DSC3: variants seen among roughly 807,000 people sequenced by gnomAD.
DSC3 encodes the protein desmocollin 3.
Under a neutral mutation model 89.5 loss-of-function variants are expected in DSC3, and 97 were observed. The ratio of observed to expected loss-of-function variants is 1.08; its 90% confidence interval spans 0.92 to 1.28. DSC3 has a LOEUF of 1.28. Ranked by LOEUF, DSC3 falls within the 50% of genes most tolerant of loss-of-function variation. DSC3 has a pLI of 0.00. For missense variants in DSC3, 1,199 were observed against 1,085.3 expected, an observed-to-expected ratio of 1.10 and a Z score of -1.47; for synonymous variants, 436 against 384.1, an observed-to-expected ratio of 1.14 and a Z score of -1.58.
At position 31,002,724 on chromosome 18, in the gene DSC3, G is replaced by A. The variant is rs1401722327; in HGVS notation, c.2114-985C>T. 7.2e-4 allele frequency among the ~76,000 whole-genome samples: 99 copies of A among 137,204 alleles called. 2 individuals are homozygous for A. In the East Asian group the frequency reaches 0.013, roughly 18 times the overall value. 90.0% of individuals were successfully genotyped at this position (137,204 alleles called of 152,430 possible). Reference sequence around the variant, plus strand: ...TCAAAAAAAAAAAAAAAGAAAGAAAGAAAAAAAAAAGAAAATTACATGAAA... The same window carrying A: ...TCAAAAAAAAAAAAAAAGAAAGAAAAAAAAAAAAAAGAAAATTACATGAAA... On this transcript the variant is annotated intron_variant, in intron 13 of 15. Transcript: ENST00000360428.
At chr18:31,012,214 C>A (rs912917935) in intron 9 of DSC3, among the ~76,000 whole-genome samples, 3 of 151,874 alleles carry the variant, frequency 2.0e-5, no homozygotes, top group African/African-American at 7.3e-5. Context: ...AGAGGAGGTA[C>A]GATTAGCAAA....
At chr18:31,032,724 T>C (rs1347949224) in intron 1 of DSC3, among the ~76,000 whole-genome samples, 1 of 152,098 alleles carries the variant, frequency 6.6e-6, no homozygotes, top group Admixed American at 6.6e-5. Flanking sequence ...GCCTCCCAAG[T>C]AGCTGGGATT....
At chr18:31,028,979 T>C (rs1985690505) in intron 4 of DSC3, among the ~76,000 whole-genome samples, 2 of 152,088 alleles carry the variant, frequency 1.3e-5, no homozygotes, top group African/African-American at 4.8e-5. Flanking sequence ...CTGCAATTAT[T>C]TACCTGCAGA....
At chr18:31,016,512 G>T (rs1985241893) in intron 9 of DSC3, among the ~76,000 whole-genome samples, 1 of 152,150 alleles carries the variant, frequency 6.6e-6, no homozygotes. Flanking sequence ...TTCAGCCTTG[G>T]AAACTGTATG....
chr18:31,040,019 G>C (rs1233299212), intron 1 of DSC3, among the ~76,000 whole-genome samples: 2 of 151,872 alleles, frequency 1.3e-5, no homozygotes, highest in African/African-American at 2.4e-5. Context: ...ATATTACCAA[G>C]AGCAAAAACA....
intron 1 of DSC3, among the ~76,000 whole-genome samples, chr18:31,041,197 G>T (rs1369282031): frequency 1.3e-5 from 2 of 152,080 alleles, no homozygotes; most frequent in Non-Finnish European, 2.9e-5. Context: ...CCGTAGTTTC[G>T]TTCCCCATCC....
intron 13 of DSC3, among the ~76,000 whole-genome samples, chr18:31,003,399 T>C (rs1432497533): frequency 6.6e-6 from 1 of 152,238 alleles, no homozygotes; most frequent in Non-Finnish European, 1.5e-5. Context: ...TTGATATATG[T>C]TTATTTTTTG....
chr18:30,996,085 T>C (rs1293429535), intron 15 of DSC3, among the ~76,000 whole-genome samples: 1 of 151,822 alleles, frequency 6.6e-6, no homozygotes, highest in African/African-American at 2.4e-5. Context: ...TTCTTTCATA[T>C]TCTTGCTTTC....
chr18:31,004,038 C>G, intron 13 of DSC3, 104 bp downstream of exon 13: 2 of 869,170 alleles, frequency 2.3e-6, no homozygotes, highest in South Asian at 3.2e-5. Context: ...TGGAAAGAGA[C>G]TCACATCTGA....
chr18:31,021,375 T>C (rs1985413385), intron 7 of DSC3, among the ~76,000 whole-genome samples: 1 of 152,134 alleles, frequency 6.6e-6, no homozygotes, highest in Non-Finnish European at 1.5e-5. Flanking sequence ...CACTTACTAT[T>C]ATCCTTATGT....
chr18:31,033,519 G>T (rs1415222169), intron 1 of DSC3, among the ~76,000 whole-genome samples: 3 of 151,984 alleles, frequency 2.0e-5, no homozygotes, highest in Non-Finnish European at 2.9e-5. Context: ...TCAACAAATG[G>T]TGTTGGGATA....
Position 30,996,888 on chromosome 18 carries a change from T to C in DSC3, c.2396A>G (p.His799Arg). ...TCCTCCCCTGCAGGAGTCCAGGGTATGATGATGCCCAGCCCCCCGGCAGGA... is the reference window on the plus strand; with the variant it reads ...TCCTCCCCTGCAGGAGTCCAGGGTACGATGATGCCCAGCCCCCCGGCAGGA... ...LESCRGAGHH[H>R]TLDSCRGGHT... Residue 799 changes from histidine to arginine, a missense_variant, in exon 15 of 16, where the codon CAT (histidine) becomes CGT (arginine). Physicochemically the swap from His to Arg is conservative, Grantham distance 29. Transcript: ENST00000360428. The C allele has an allele frequency of 6.2e-7, 1 of 1,613,996 alleles. No homozygotes were observed. Among genetic ancestry groups the C allele is most frequent in the Non-Finnish European group, 8.5e-7 (1 of 1,180,002 alleles).
At chr18:31,022,596 T>C (rs1290488566) in intron 6 of DSC3, 94 bp from the exon 7 acceptor site, 2 of 1,396,232 alleles carry the variant, frequency 1.4e-6, no homozygotes, top group African/African-American at 2.9e-5. Flanking sequence ...ACAGTGATGA[T>C]AGAAACCTAA....
intron 9 of DSC3, among the ~76,000 whole-genome samples, chr18:31,015,445 G>A (rs1985204056): frequency 6.6e-6 from 1 of 152,086 alleles, no homozygotes; most frequent in Admixed American, 6.5e-5. Flanking sequence ...ACATACAAAA[G>A]AACATTGAGT....
chr18:31,024,834 T>C (rs975671514), intron 5 of DSC3, among the ~76,000 whole-genome samples: 2 of 152,106 alleles, frequency 1.3e-5, no homozygotes, highest in Non-Finnish European at 2.9e-5. Context: ...CTCACTGCAA[T>C]AGGAAAAATT....
chr18:31,008,830 A>G (rs574190535), intron 9 of DSC3, among the ~76,000 whole-genome samples: 8 of 152,312 alleles, frequency 5.3e-5, no homozygotes, highest in African/African-American at 1.9e-4. Flanking sequence ...AACAGATGAC[A>G]GTATTCTTAT....
Position 30,990,328 on chromosome 18 carries a change from A to G in DSC3, c.*3847T>C, listed in dbSNP as rs1555631370. ...TCTGGCTCTAGTGTCCATGCTTCTC[A>G]ACCATTATGACCCAATATTCAACCA... is the stretch of plus-strand genomic sequence containing the variant. On this transcript the variant is annotated 3_prime_UTR_variant, in exon 16 of 16. Transcript: ENST00000360428. The G allele has an allele frequency of 6.6e-6, 1 of 152,198 alleles. No individual in the cohort carries two copies. The highest frequency in any genetic ancestry group is 1.5e-5 in the Non-Finnish European group (1 of 68,028). The allele number at this position is 152,198 out of a possible 1,614,324, so 9.4% of individuals were successfully genotyped here.
chr18:31,022,698 C>A (rs937711010), intron 6 of DSC3, among the ~76,000 whole-genome samples, 196 bp from the exon 7 acceptor site: 2 of 152,080 alleles, frequency 1.3e-5, no homozygotes, highest in Admixed American at 6.6e-5. Context: ...CACTTTGATG[C>A]TGAAAATTAA....
At chr18:31,028,142 T>C (rs924660953) in intron 4 of DSC3, among the ~76,000 whole-genome samples, 7 of 151,638 alleles carry the variant, frequency 4.6e-5, no homozygotes, top group African/African-American at 1.7e-4. Context: ...ACTGAGAGAG[T>C]AAATATCAAG....
Sources: allele counts gnomAD v4.1 joint callset (sites outside exome capture counted in the v4.1 genomes callset), GRCh38; gene constraint gnomAD v4.1.1; transcripts MANE v1.5; gene names NCBI Gene and HGNC (gene_info 2026-07-23, HGNC 2026-07-21).